The following GOLGA4 variants were observed in gnomAD, a reference collection of about 807,000 sequenced individuals.
GOLGA4 encodes golgin A4, also known as golgin subfamily A member 4.
Under a neutral mutation model 265.9 loss-of-function variants are expected in GOLGA4, and 169 were observed. The ratio of observed to expected loss-of-function variants is 0.64; its 90% CI spans 0.56 to 0.72. The LOEUF is 0.72. Among genes scored for constraint, GOLGA4 ranks in the 30% least tolerant of loss-of-function variants. The pLI is 0.00. For synonymous variants in GOLGA4, 923 were observed against 855.8 expected (o/e 1.08, Z -1.37); for missense variants, 2,482 against 2,483.4 (o/e 1.00, Z 0.01).
At chr3:37,298,126 G>C (rs1491000006) in intron 7 of GOLGA4, among the ~76,000 whole-genome samples, 1 of 152,186 alleles carries the variant, frequency 6.6e-6, no homozygotes, top group Non-Finnish European at 1.5e-5. Context: ...CTTGCCCACT[G>C]CCTAGACAGA....
At chr3:37,336,261 GT>G (rs2097012136) in intron 17 of GOLGA4, among the ~76,000 whole-genome samples, 1 of 151,974 alleles carries the variant, frequency 6.6e-6, no homozygotes, top group Admixed American at 6.5e-5. Context: ...CATGACTTGA[GT>G]ATTCCAGGTG....
At chr3:37,249,751 A>G (rs1391143964) in intron 1 of GOLGA4, 1 of 152,202 alleles carries the variant, frequency 6.6e-6, no homozygotes, top group African/African-American at 2.4e-5. Flanking sequence ...AGGTAAGCAG[A>G]AAAATAATTT....
chr3:37,322,392 C>T (rs1319770759), intron 13 of GOLGA4, among the ~76,000 whole-genome samples: 1 of 152,100 alleles, frequency 6.6e-6, no homozygotes, highest in Non-Finnish European at 1.5e-5. Flanking sequence ...CCAGAGTGTA[C>T]GTTTTTTTAA....
Position 37,327,863 on chromosome 3 carries a change from CCTT to C in GOLGA4, c.5939+42_5939+44del, listed in dbSNP as rs551188986. ...TCAGCTTGAATATTTTTATGGCAGT[CCTT>C]CTTAATTAAGTCTCCTTTTTTTGTG... On this transcript the variant is annotated intron_variant, in intron 14 of 23. Coordinates refer to ENST00000361924, the MANE Select transcript of GOLGA4 (RefSeq NM_002078.5). 2.4e-3 allele frequency: 3,539 copies of C among 1,497,776 alleles called. 10 individuals carry two copies. Among genetic ancestry groups the C allele is most frequent in the Non-Finnish European group, 2.5e-3 (2,715 of 1,100,646 alleles). 92.8% of individuals were successfully genotyped at this position (1,497,776 alleles called of 1,614,324 possible). A position where few individuals can be genotyped will look rare whatever the true frequency, so the allele number is the denominator to read the frequency against.
intron 10 of GOLGA4, among the ~76,000 whole-genome samples, chr3:37,309,321 C>T (rs756138322): frequency 5.9e-5 from 9 of 151,332 alleles, no homozygotes; most frequent in Non-Finnish European, 7.4e-5. Flanking sequence ...TTTGGGAGGC[C>T]GAGGCGGGCG....
chr3:37,265,419 G>C (rs1326402259), intron 2 of GOLGA4, among the ~76,000 whole-genome samples: 3 of 152,152 alleles, frequency 2.0e-5, no homozygotes, highest in African/African-American at 7.2e-5. Context: ...ACAAATAAAT[G>C]ATTAAAGTTT....
In GOLGA4 at chr3:37,324,645, A is replaced by G. The variant is rs1377347235; in HGVS notation, c.2759A>G (p.Gln920Arg). 12 of 1,612,890 alleles carry G rather than the reference A, an allele frequency of 7.4e-6. No individual in the cohort carries two copies. The highest frequency in any genetic ancestry group is 1.0e-5 in the Non-Finnish European group (12 of 1,179,396). Residue 920 changes from glutamine (Q) to arginine (R), a missense_variant, in exon 14 of 24, where the codon CAG (glutamine) becomes CGG (arginine). Physicochemically the swap from Gln to Arg is conservative, Grantham distance 43 (BLOSUM62 1). Transcript: ENST00000361924. ...ATGATTTTACAAATGAGAGAAGGAC[A>G]GAAGAAAGAAATTGAGATACTCACA... ...ENMILQMREG[Q>R]KKEIEILTQK...
intron 2 of GOLGA4, among the ~76,000 whole-genome samples, chr3:37,251,808 C>A (rs1361181553): frequency 6.6e-6 from 1 of 152,126 alleles, no homozygotes; most frequent in Non-Finnish European, 1.5e-5. Flanking sequence ...CTTCAGCCTC[C>A]TGAGTAGCTG....
At chr3:37,274,458 GAGGT>G (rs2096808260) in intron 2 of GOLGA4, among the ~76,000 whole-genome samples, 2 of 152,174 alleles carry the variant, frequency 1.3e-5, no homozygotes, top group African/African-American at 4.8e-5. Flanking sequence ...TTAGGAGGCT[GAGGT>G]AGGTGGATCG....
chr3:37,354,288 C>A (rs933122359), intron 21 of GOLGA4, among the ~76,000 whole-genome samples: 1 of 152,002 alleles, frequency 6.6e-6, no homozygotes, highest in African/African-American at 2.4e-5. Context: ...CCCTCCCATC[C>A]ACGGTAGGAA....
At chr3:37,313,486 T>C (rs1276502360) in intron 10 of GOLGA4, 1 of 152,196 alleles carries the variant, frequency 6.6e-6, no homozygotes, top group Non-Finnish European at 1.5e-5. Context: ...TATATGTCGG[T>C]GAACAACTGT....
chr3:37,301,850 G>T (rs764100511), intron 9 of GOLGA4, among the ~76,000 whole-genome samples: 1 of 152,038 alleles, frequency 6.6e-6, no homozygotes, highest in South Asian at 2.1e-4. Context: ...GTGCAATGGC[G>T]TGATCTCAGC....
rs1442830449 is a variant in GOLGA4 at position 37,354,257 on chromosome 3, T to C, written c.6577-844T>C. Among the ~76,000 whole-genome samples the C allele has an allele frequency of 2.6e-5, 4 of 152,072 alleles. No homozygotes were observed. The East Asian group carries it at 7.7e-4, about 29-fold the overall frequency. On this transcript the variant is annotated intron_variant, in intron 21 of 23. Coordinates refer to ENST00000361924, the MANE Select transcript of GOLGA4 (RefSeq NM_002078.5). ...CTATGTAACTATGATCAAGGAATGT[T>C]AGAGTCAGTTTTCTGGGCTACCCTC... is the stretch of plus-strand genomic sequence containing the variant.
chr3:37,276,147 T>G (rs1317463306), intron 2 of GOLGA4: 14 of 1,605,668 alleles, frequency 8.7e-6, no homozygotes, highest in Non-Finnish European at 1.2e-5. Context: ...GCTGCAGCTC[T>G]TCGAACAGGG....
intron 7 of GOLGA4, among the ~76,000 whole-genome samples, chr3:37,298,327 A>G (rs1008982128): frequency 2.0e-5 from 3 of 152,170 alleles, no homozygotes; most frequent in Admixed American, 2.0e-4. Context: ...CAGGTCAGAG[A>G]TGATATCATA....
chr3:37,278,010 T>C (rs1033270619), intron 2 of GOLGA4, among the ~76,000 whole-genome samples: 2 of 152,216 alleles, frequency 1.3e-5, no homozygotes, highest in Non-Finnish European at 2.9e-5. Flanking sequence ...ATTTTGTCAG[T>C]TCATAGTTGA....
intron 3 of GOLGA4, among the ~76,000 whole-genome samples, 174 bp from the exon 4 acceptor site, chr3:37,285,840 T>G (rs1055559617): frequency 6.6e-6 from 1 of 152,254 alleles, no homozygotes; most frequent in Non-Finnish European, 1.5e-5. Flanking sequence ...TACATTTTAT[T>G]TTTTAGAAAT....
chr3:37,271,494 G>T (rs1036970525), intron 2 of GOLGA4, among the ~76,000 whole-genome samples: 2 of 152,112 alleles, frequency 1.3e-5, no homozygotes, highest in Admixed American at 6.5e-5. Context: ...TACAAAAGTG[G>T]AAATAGTAGT....
At chr3:37,343,796 A>ATAAAGG (rs748678872) in intron 20 of GOLGA4, among the ~76,000 whole-genome samples, 1 of 152,242 alleles carries the variant, frequency 6.6e-6, no homozygotes, top group Non-Finnish European at 1.5e-5. Context: ...ATAGTACTTC[A>ATAAAGG]TAAAGGAAGT....
Sources: allele counts gnomAD v4.1 joint callset (sites outside exome capture counted in the v4.1 genomes callset), GRCh38; gene constraint gnomAD v4.1.1; transcripts MANE v1.5; gene names NCBI Gene and HGNC (gene_info 2026-07-23, HGNC 2026-07-21).